The following KLHL42 variants were observed in gnomAD, a reference collection of about 807,000 sequenced individuals.
KLHL42 encodes kelch like family member 42.
In KLHL42, 27 loss-of-function variants were observed where a neutral mutation model predicts 32.7. The observed-to-expected ratio is 0.83, with a 90% CI of 0.61 to 1.14. The LOEUF (loss-of-function observed/expected upper bound fraction) is 1.14, where lower values mean the gene tolerates loss of function less well. Among genes scored for constraint, KLHL42 ranks in the 50% most tolerant of loss-of-function variants. The pLI, the probability that KLHL42 is intolerant of heterozygous loss-of-function variation, is 0.00. For synonymous variants in KLHL42, 267 were observed against 248.2 expected (o/e 1.08, Z -0.71); for missense variants, 491 against 560.8 (o/e 0.88, Z 1.26).
chr12:27,797,336 G>GT (rs1267514233), intron 2 of KLHL42: 1 of 464,166 alleles, frequency 2.2e-6, no homozygotes, highest in East Asian at 6.8e-5. Flanking sequence ...CCTGGCTTCT[G>GT]TATTAAGTAG....
chr12:27,796,201 T>C (rs899578535), intron 2 of KLHL42, among the ~76,000 whole-genome samples: 1 of 152,220 alleles, frequency 6.6e-6, no homozygotes, highest in Admixed American at 6.5e-5. Context: ...AGGACTTGGC[T>C]CTCTTAGGAG....
intron 1 of KLHL42, among the ~76,000 whole-genome samples, chr12:27,788,372 T>G (rs2140816906): frequency 6.6e-6 from 1 of 152,286 alleles, no homozygotes; most frequent in South Asian, 2.1e-4. Context: ...TTCCTTAAAG[T>G]GGAAACTGAG....
At chr12:27,791,933 C>A in intron 2 of KLHL42, 32 bp downstream of exon 2, 1 of 1,596,066 alleles carries the variant, frequency 6.3e-7, no homozygotes, top group South Asian at 1.1e-5. Context: ...GTGGTCTGCC[C>A]ATGTGTAGGC....
rs985719060 is a variant in KLHL42 at position 27,780,370 on chromosome 12, C to T, written c.40C>T (p.Arg14Cys). Residue 14 changes from arginine to cysteine, a missense_variant, in exon 1 of 3, where the codon CGC becomes TGC. By Grantham distance (180) the Arg-to-Cys change is radical. Coordinates refer to ENST00000381271, the MANE Select transcript of KLHL42 (RefSeq NM_020782.2). This position sits in a 1 kb window ranked among gnomAD's most constrained non-coding sequence, Gnocchi z 8.8. Reference sequence around the variant, plus strand: ...GATGGTGCAGATCCGCCTGGAGGACCGCTGCTACCCGGTGAGCAAGAGGAA... The same window carrying T: ...GATGGTGCAGATCCGCCTGGAGGACTGCTGCTACCCGGTGAGCAAGAGGAA... ...EEMVQIRLED[R>C]CYPVSKRKLI... is the part of the protein sequence containing the mutation. 1 of 1,582,030 alleles carries T rather than the reference C, an allele frequency of 6.3e-7. No homozygotes were observed. The highest frequency in any genetic ancestry group is 1.2e-5 in the South Asian group (1 of 86,780).
rs1413821268 is a variant in KLHL42, at chr12:27,801,697, A to C, written c.*3531A>C. The C allele has an allele frequency of 6.6e-6, 1 of 152,216 alleles. No homozygotes were observed. The highest frequency in any genetic ancestry group is 1.5e-5 in the Non-Finnish European group (1 of 68,044). The allele number at this position is 152,216 out of a possible 1,614,324, so 9.4% of individuals were successfully genotyped here. A position where few individuals can be genotyped will look rare whatever the true frequency, so the allele number is the denominator to read the frequency against. ...TTGGTGCTTCCAGACATCTATTCCC[A>C]GTCCATCAGAGTGAAATGAAGGCTA... On this transcript the variant is annotated 3_prime_UTR_variant, in exon 3 of 3. Coordinates refer to ENST00000381271, the MANE Select transcript of KLHL42 (RefSeq NM_020782.2).
At chr12:27,781,254 T>C in intron 1 of KLHL42, 52 bp downstream of exon 1, 10 of 1,585,170 alleles carry the variant, frequency 6.3e-6, no homozygotes, top group Non-Finnish European at 8.6e-6. Flanking sequence ...ACTTGTTCAT[T>C]AGTTCATTAC....
At chr12:27,783,987 G>T (rs1356125438) in intron 1 of KLHL42, among the ~76,000 whole-genome samples, 1 of 152,110 alleles carries the variant, frequency 6.6e-6, no homozygotes, top group African/African-American at 2.4e-5. Context: ...ACTTCCATTT[G>T]CATTGGATGT....
chr12:27,792,865 T>G (rs2062203482), intron 2 of KLHL42, among the ~76,000 whole-genome samples: 1 of 152,188 alleles, frequency 6.6e-6, no homozygotes, highest in Non-Finnish European at 1.5e-5. Context: ...GTTTTTCACT[T>G]TTTTGGTAGG....
In KLHL42 at chr12:27,780,254, AACC is replaced by A. The variant is rs1565480199; in HGVS notation, c.-76_-74del. On this transcript the variant is annotated 5_prime_UTR_variant, in exon 1 of 3. Coordinates refer to ENST00000381271, the MANE Select transcript of KLHL42 (RefSeq NM_020782.2). This position sits in a 1 kb window ranked among gnomAD's most constrained non-coding sequence, Gnocchi z 8.8. Reference sequence around the variant, plus strand: ...CGCCATCCCTCGGCGCCCCGCCCGGAACCGGCGCGCGCGTAGGGGCTGGGAGGC... The same window carrying A: ...CGCCATCCCTCGGCGCCCCGCCCGGAGGCGCGCGCGTAGGGGCTGGGAGGC... 2 of 1,348,942 alleles carry A rather than the reference AACC, an allele frequency of 1.5e-6. No individual in the cohort carries two copies. Among genetic ancestry groups the A allele is most frequent in the East Asian group, 6.3e-5 (2 of 31,886 alleles). The allele number at this position is 1,348,942 out of a possible 1,614,324, so 83.6% of individuals were successfully genotyped here.
chr12:27,794,875 C>T (rs535313893), intron 2 of KLHL42, among the ~76,000 whole-genome samples: 99 of 150,636 alleles, frequency 6.6e-4, no homozygotes, highest in African/African-American at 2.4e-3. Context: ...TGACTCTCCA[C>T]TGAAGATAGT....
At chr12:27,794,204 G>A (rs1044170898) in intron 2 of KLHL42, among the ~76,000 whole-genome samples, 17 of 152,264 alleles carry the variant, frequency 1.1e-4, no homozygotes, top group African/African-American at 2.4e-5. Flanking sequence ...TAGTTCTGGC[G>A]ACCAGAAGTC....
In KLHL42 at chr12:27,798,448, A is replaced by G. The variant is rs986785511; in HGVS notation, c.*282A>G. Reference sequence around the variant, plus strand: ...GGCCAATGACGGATCATCAAAATGTAGATTCATTGTGTCTGTGTGGTAAAG... The same window carrying G: ...GGCCAATGACGGATCATCAAAATGTGGATTCATTGTGTCTGTGTGGTAAAG... On this transcript the variant is annotated 3_prime_UTR_variant, in exon 3 of 3. Transcript: ENST00000381271. 10 of 374,280 alleles carry G rather than the reference A, an allele frequency of 2.7e-5. No individual in the cohort carries two copies. The highest frequency in any genetic ancestry group is 4.4e-5 in the Non-Finnish European group (9 of 206,432). 23.2% of individuals were successfully genotyped at this position (374,280 alleles called of 1,614,324 possible). A position where few individuals can be genotyped will look rare whatever the true frequency, so the allele number is the denominator to read the frequency against.
intron 1 of KLHL42, among the ~76,000 whole-genome samples, chr12:27,789,804 C>A (rs2062188383): frequency 6.6e-6 from 1 of 152,034 alleles, no homozygotes; most frequent in Non-Finnish European, 1.5e-5. Flanking sequence ...CGTCTGTTGG[C>A]ACAAAAAAGT....
At chr12:27,792,908 A>G (rs1461657399) in intron 2 of KLHL42, among the ~76,000 whole-genome samples, 1 of 152,118 alleles carries the variant, frequency 6.6e-6, no homozygotes, top group Non-Finnish European at 1.5e-5. Context: ...AAATTAAAAA[A>G]ATTTCTCCAC....
chr12:27,787,710 G>A (rs2062179027), intron 1 of KLHL42: 1 of 152,192 alleles, frequency 6.6e-6, no homozygotes, highest in Non-Finnish European at 1.5e-5. Flanking sequence ...CAGCAAGGCT[G>A]AGAGAGAGAC....
In KLHL42 at chr12:27,780,266, CG is replaced by C. The variant is rs1351046451; in HGVS notation, c.-64del. 4 of 1,405,524 alleles carry C rather than the reference CG, an allele frequency of 2.8e-6. No homozygotes were observed. In the Admixed American group the frequency reaches 1.3e-4, roughly 45 times the overall value. The allele number at this position is 1,405,524 out of a possible 1,614,324, so 87.1% of individuals were successfully genotyped here. On this transcript the variant is annotated 5_prime_UTR_variant, in exon 1 of 3. Transcript: ENST00000381271. The surrounding 1 kb of genome is among the most constrained non-coding windows in gnomAD (Gnocchi z 8.8). ...GCGCCCCGCCCGGAACCGGCGCGCG[CG>C]TAGGGGCTGGGAGGCCGGCGCGCAG...
chr12:27,788,524 C>A (rs530734774), intron 1 of KLHL42, among the ~76,000 whole-genome samples: 1 of 152,264 alleles, frequency 6.6e-6, no homozygotes, highest in South Asian at 2.1e-4. Flanking sequence ...AAGCATGTTT[C>A]ATGTTACTTA....
In KLHL42 at chr12:27,800,198, A is replaced by G. The variant is rs770325157; in HGVS notation, c.*2032A>G. 4.1e-6 allele frequency: 4 copies of G among 985,412 alleles called. No individual in the cohort carries two copies. In the African/African-American group the frequency reaches 5.2e-5, roughly 13 times the overall value. 61.0% of individuals were successfully genotyped at this position (985,412 alleles called of 1,614,324 possible). ...AAATAAGCATATCATATCAAATACA[A>G]TATTCCAGCCAACCAGTTAATTCTC... On this transcript the variant is annotated 3_prime_UTR_variant, in exon 3 of 3. Coordinates refer to ENST00000381271, the MANE Select transcript of KLHL42 (RefSeq NM_020782.2).
Position 27,791,912 on chromosome 12 carries a change from G to C in KLHL42, c.1066+11G>C, listed in dbSNP as rs2062198971. On this transcript the variant is annotated intron_variant, in intron 2 of 2. Transcript: ENST00000381271. Reference sequence around the variant, plus strand: ...GATACACTACCAGAGGTAAGTGAAGGGACCAGGTAGGTGGTCTGCCCATGT... The same window carrying C: ...GATACACTACCAGAGGTAAGTGAAGCGACCAGGTAGGTGGTCTGCCCATGT... 1 of 1,612,784 alleles carries C rather than the reference G, an allele frequency of 6.2e-7. No homozygotes were observed. Among genetic ancestry groups the C allele is most frequent in the African/African-American group, 1.3e-5 (1 of 74,888 alleles).
Sources: gnomAD v4.1 joint callset for allele counts (sites outside exome capture counted in the v4.1 genomes callset) on GRCh38, gnomAD v4.1.1 for gene constraint, Gnocchi (gnomAD v3.1) non-coding constraint, MANE v1.5 for transcripts, NCBI Gene and HGNC (gene_info 2026-07-23, HGNC 2026-07-21) for gene names.